The following JAKMIP3 variants were observed in gnomAD, a reference collection of about 807,000 sequenced individuals.
JAKMIP3 encodes the protein Janus kinase and microtubule interacting protein 3, also known as janus kinase and microtubule-interacting protein 3.
JAKMIP3 carries 58 observed loss-of-function variants against 118.5 expected under a neutral mutation model. That is an observed-to-expected ratio of 0.49 (90% CI 0.40 to 0.61). The LOEUF is 0.61. Among genes scored for constraint, JAKMIP3 ranks in the 20% least tolerant of loss-of-function variants. The pLI is 0.00. For missense variants in JAKMIP3, 950 were observed against 1,109.0 expected (o/e 0.86, Z 2.04); for synonymous variants, 486 against 451.2 (o/e 1.08, Z -0.98).
At chr10:132,097,966 C>CT (rs1564893087) in intron 1 of JAKMIP3, among the ~76,000 whole-genome samples, 4 of 33,904 alleles carry the variant, frequency 1.2e-4, no homozygotes, top group Non-Finnish European at 1.8e-4. Flanking sequence ...TTTCCCTTTC[C>CT]TTCCTTTTCT....
At chr10:132,061,961 G>A (rs1171508818), upstream of JAKMIP3, among the ~76,000 whole-genome samples, 1 of 152,154 alleles carries the variant, frequency 6.6e-6, no homozygotes, top group African/African-American at 2.4e-5. Context: ...AAGACTAGCC[G>A]AGGCTTCACC....
rs1389047093 is a variant in JAKMIP3, at chr10:132,180,748, C to CGTGTGTGTGTGT, written c.*1104-1608_*1104-1607insTGTGTGTGTGTG. On this transcript the variant is annotated intron_variant, in intron 23 of 23. Coordinates refer to ENST00000684848, the MANE Select transcript of JAKMIP3 (RefSeq NM_001323087.2). ...GTGTGTGCGTGTGTGCGTGCGTGCG[C>CGTGTGTGTGTGT]GCGCGTGTGTGCGTGTGTGTGCGTG... Among the ~76,000 whole-genome samples, 6 of 8,326 alleles carry CGTGTGTGTGTGT rather than the reference C, an allele frequency of 7.2e-4. 1 individual carries two copies. Among genetic ancestry groups the CGTGTGTGTGTGT allele is most frequent in the Admixed American group, 2.5e-3 (2 of 790 alleles). The allele number at this position is 8,326 out of a possible 152,430, so 5.5% of individuals were successfully genotyped here.
At chr10:132,182,070 G>C (rs1221611796) in intron 23 of JAKMIP3, among the ~76,000 whole-genome samples, 3 of 152,278 alleles carry the variant, frequency 2.0e-5, no homozygotes, top group African/African-American at 7.2e-5. Context: ...TGGTGAGAAA[G>C]ATCCAAGGTC....
chr10:132,118,095 G>C lies in JAKMIP3; in HGVS notation c.633+521G>C, dbSNP rs564890502. 5.5e-4 allele frequency among the ~76,000 whole-genome samples: 83 copies of C among 152,278 alleles called. 2 individuals are homozygous for C. The South Asian group carries it at 0.016, about 30-fold the overall frequency. ...GAGAGGCGAGATCAGGAGGCCCCGG[G>C]GGGTGGGATGGCCCCCAGCTGCCCT... is the stretch of plus-strand genomic sequence containing the variant. On this transcript the variant is annotated intron_variant, in intron 3 of 23. Coordinates refer to ENST00000684848, the MANE Select transcript of JAKMIP3 (RefSeq NM_001323087.2). The surrounding 1 kb of genome is among the most constrained non-coding windows in gnomAD (Gnocchi z 4.8).
In JAKMIP3 at chr10:132,167,808, C is replaced by CCCCTCACCCCTCGG. The variant is rs200218750; in HGVS notation, c.*23-125_*23-112dup. 9.2e-5 allele frequency: 40 copies of CCCCTCACCCCTCGG among 432,658 alleles called. No homozygotes were observed. The East Asian group carries it at 1.4e-3, about 16-fold the overall frequency. The allele number at this position is 432,658 out of a possible 1,614,324, so 26.8% of individuals were successfully genotyped here. On this transcript the variant is annotated intron_variant, in intron 22 of 23. Transcript: ENST00000684848. ...TCTCCACGCAGCCCTTCGGTCCTCA[C>CCCCTCACCCCTCGG]CCCTCACCCCTCGGCCCTCACCCCT... is the stretch of plus-strand genomic sequence containing the variant.
Position 132,141,970 on chromosome 10 carries a change from G to A in JAKMIP3, c.1524G>A (p.Glu508=), listed in dbSNP as rs1314418972. Residue 508 remains glutamate, a synonymous_variant, in exon 11 of 24, where the codon GAG becomes GAA. Coordinates refer to ENST00000684848, the MANE Select transcript of JAKMIP3 (RefSeq NM_001323087.2). ...TGAGGTTCCGGCAGCTGACCATGGAGTACCAGGCCCTGCAGCGTGCCTACG... is the reference window on the plus strand; with the variant it reads ...TGAGGTTCCGGCAGCTGACCATGGAATACCAGGCCCTGCAGCGTGCCTACG... ...TELRFRQLTM[E]YQALQRAYAL... The A allele has an allele frequency of 6.2e-7, 1 of 1,600,406 alleles. No individual in the cohort carries two copies. The highest frequency in any genetic ancestry group is 8.5e-7 in the Non-Finnish European group (1 of 1,173,882).
At chr10:132,164,634 T>C in intron 20 of JAKMIP3, 36 bp from the exon 21 acceptor site, 1 of 1,355,076 alleles carries the variant, frequency 7.4e-7, no homozygotes, top group Non-Finnish European at 1.1e-6. Flanking sequence ...CCGAGTACTG[T>C]GACTATTGAA....
chr10:132,140,383 G>T, intron 9 of JAKMIP3, 68 bp from the exon 10 acceptor site: 1 of 1,599,628 alleles, frequency 6.3e-7, no homozygotes, highest in South Asian at 1.1e-5. Context: ...GCAGCGGGAG[G>T]AGGCGGCGGG....
chr10:132,180,550 CGTGCATGCGTGTGTGT>C lies in JAKMIP3; in HGVS notation c.*1104-1805_*1104-1790del, dbSNP rs1210480504. Among the ~76,000 whole-genome samples, 11 of 6,358 alleles carry C rather than the reference CGTGCATGCGTGTGTGT, an allele frequency of 1.7e-3. 1 individual carries two copies. Among genetic ancestry groups the C allele is most frequent in the African/African-American group, 7.4e-3 (9 of 1,212 alleles). The allele number at this position is 6,358 out of a possible 152,430, so 4.2% of individuals were successfully genotyped here. ...GTGTGTGTGTGTGTGTGTGTGCGTG[CGTGCATGCGTGTGTGT>C]GCGTGTGTGTGTGCGTGCGCGTGTG... On this transcript the variant is annotated intron_variant, in intron 23 of 23. Coordinates refer to ENST00000684848, the MANE Select transcript of JAKMIP3 (RefSeq NM_001323087.2).
chr10:132,093,812 C>T (rs976887882), intron 1 of JAKMIP3, among the ~76,000 whole-genome samples: 1 of 152,166 alleles, frequency 6.6e-6, no homozygotes, highest in Non-Finnish European at 1.5e-5. Context: ...CAGAAATCAC[C>T]CCCATCTTCT....
rs925827709 is a variant in JAKMIP3 at position 132,183,089 on chromosome 10, G to C, written c.*1836G>C. On this transcript the variant is annotated 3_prime_UTR_variant, in exon 24 of 24. Transcript: ENST00000684848. ...TGTTTAGTCCTCTGTGCATAGTTTT[G>C]TCTCATTTTAACGACTGCATCTTCT... 1 of 152,178 alleles carries C rather than the reference G, an allele frequency of 6.6e-6. No homozygotes were observed. The highest frequency in any genetic ancestry group is 1.5e-5 in the Non-Finnish European group (1 of 68,044). The allele number at this position is 152,178 out of a possible 1,614,324, so 9.4% of individuals were successfully genotyped here.
At chr10:132,163,517 T>G (rs951728549) in intron 20 of JAKMIP3, 105 bp downstream of exon 20, 2 of 1,019,922 alleles carry the variant, frequency 2.0e-6, no homozygotes, top group East Asian at 2.6e-5. Context: ...TACCCCTCTG[T>G]GGCCCCACCC....
chr10:132,125,983 C>T (rs1207296623), intron 3 of JAKMIP3, among the ~76,000 whole-genome samples: 3 of 152,164 alleles, frequency 2.0e-5, no homozygotes, highest in East Asian at 3.8e-4. Context: ...TCACTGCAGC[C>T]GTAAACTCAT....
rs2042479903 is a variant in JAKMIP3, at chr10:132,086,986, T to C, written c.-137-17686T>C. Reference sequence around the variant, plus strand: ...GTGAGATTATGCTTTTAAGAGGTTCTGTTTTGATGTCTTTCCAGGATTTGT... The same window carrying C: ...GTGAGATTATGCTTTTAAGAGGTTCCGTTTTGATGTCTTTCCAGGATTTGT... On this transcript the variant is annotated intron_variant, in intron 1 of 23. Coordinates refer to ENST00000684848, the MANE Select transcript of JAKMIP3 (RefSeq NM_001323087.2). 2.6e-5 allele frequency among the ~76,000 whole-genome samples: 4 copies of C among 152,234 alleles called. No homozygotes were observed. The South Asian group carries it at 8.3e-4, about 32-fold the overall frequency.
intron 23 of JAKMIP3, among the ~76,000 whole-genome samples, chr10:132,174,489 G>A (rs913215551): frequency 6.6e-6 from 1 of 152,014 alleles, no homozygotes; most frequent in African/African-American, 2.4e-5. Flanking sequence ...GAATCCCCTC[G>A]GGTGAAAGGA....
rs1024435349 is a variant in JAKMIP3 at position 132,179,702 on chromosome 10, A to G, written c.*1104-2655A>G. 3.3e-5 allele frequency among the ~76,000 whole-genome samples: 5 copies of G among 151,822 alleles called. No homozygotes were observed. Among genetic ancestry groups the G allele is most frequent in the African/African-American group, 1.2e-4 (5 of 41,260 alleles). On this transcript the variant is annotated intron_variant, in intron 23 of 23. Transcript: ENST00000684848. This position sits in a 1 kb window ranked among gnomAD's most constrained non-coding sequence, Gnocchi z 4.3. The stretch of plus-strand genomic sequence containing the variant: ...AGGACTCAGCACACAGTCACACCAC[A>G]GCAGGGCCACACCACGGCAGGGTCG...
chr10:132,147,888 A>T, intron 13 of JAKMIP3, 64 bp from the exon 14 acceptor site: 1 of 1,203,762 alleles, frequency 8.3e-7, no homozygotes, highest in Middle Eastern at 1.9e-4. Flanking sequence ...CCTGGAGTTG[A>T]CCTCCCAAGA....
rs770273396 is a variant in JAKMIP3, at chr10:132,153,913, G to C, written c.2143G>C (p.Glu715Gln). Residue 715 changes from glutamate to glutamine, a missense_variant and splice_region_variant, in exon 19 of 24, where the codon GAG becomes CAG. Glu to Gln is a conservative substitution (Grantham distance 29). Coordinates refer to ENST00000684848, the MANE Select transcript of JAKMIP3 (RefSeq NM_001323087.2). ...RKMVDLESEK[E>Q]LFSKQKGYLD... Reference sequence around the variant, plus strand: ...GAGGCATGGCCCTCCTGTGTTTCAGGAGCTGTTCAGTAAGCAGAAGGGCTA... The same window carrying C: ...GAGGCATGGCCCTCCTGTGTTTCAGCAGCTGTTCAGTAAGCAGAAGGGCTA... The C allele has an allele frequency of 6.2e-7, 1 of 1,613,132 alleles. No individual in the cohort carries two copies. Among genetic ancestry groups the C allele is most frequent in the Admixed American group, 1.7e-5 (1 of 60,014 alleles).
chr10:132,114,604 T>C (rs985277024), intron 2 of JAKMIP3, among the ~76,000 whole-genome samples: 4 of 152,250 alleles, frequency 2.6e-5, no homozygotes, highest in Admixed American at 2.0e-4. Context: ...CATTTCCATC[T>C]ACATTTTAGA....
Sources: gnomAD v4.1 joint callset for allele counts (sites outside exome capture counted in the v4.1 genomes callset) on GRCh38, gnomAD v4.1.1 for gene constraint, Gnocchi (gnomAD v3.1) non-coding constraint, MANE v1.5 for transcripts, NCBI Gene and HGNC (gene_info 2026-07-23, HGNC 2026-07-21) for gene names.